The following FRMD3 variants were observed in gnomAD, a reference collection of about 807,000 sequenced individuals.
The protein encoded by FRMD3 is FERM domain containing 3.
In FRMD3, 33 loss-of-function variants were observed where a neutral mutation model predicts 70.2. The ratio of observed to expected loss-of-function variants is 0.47; its 90% CI spans 0.36 to 0.63. FRMD3 has a LOEUF of 0.63. Ranked by LOEUF, FRMD3 falls within the 20% of genes least tolerant of loss-of-function variation. FRMD3 has a pLI of 0.00. For synonymous variants in FRMD3, 279 were observed against 255.9 expected, an observed-to-expected ratio of 1.09 and a Z score of -0.86; for missense variants, 632 against 711.4, an observed-to-expected ratio of 0.89 and a Z score of 1.27.
At chr9:83,374,386 C>CA (rs1280995442) in intron 2 of FRMD3, among the ~76,000 whole-genome samples, 1 of 131,986 alleles carries the variant, frequency 7.6e-6, no homozygotes, top group Non-Finnish European at 1.7e-5. Context: ...GTCACACACA[C>CA]AAAAAAACAT....
At chr9:83,399,921 A>G (rs1426911931) in intron 1 of FRMD3, among the ~76,000 whole-genome samples, 1 of 152,200 alleles carries the variant, frequency 6.6e-6, no homozygotes, top group Non-Finnish European at 1.5e-5. Flanking sequence ...ACAGGGAACA[A>G]GGCAAAGATG....
chr9:83,383,761 T>C (rs1825428747), intron 2 of FRMD3, among the ~76,000 whole-genome samples: 1 of 152,244 alleles, frequency 6.6e-6, no homozygotes, highest in Admixed American at 6.5e-5. Context: ...AGCCCCTGCC[T>C]TCTGGCTCAA....
the FRMD3 span, among the ~76,000 whole-genome samples, chr9:83,572,411 T>C: frequency 6.6e-6 from 1 of 152,140 alleles, no homozygotes; most frequent in Non-Finnish European, 1.5e-5. Context: ...AAGTAGAGTA[T>C]ATCAGAACAA....
intron 3 of FRMD3, among the ~76,000 whole-genome samples, chr9:83,355,746 G>A (rs1035084303): frequency 1.3e-5 from 2 of 152,182 alleles, no homozygotes; most frequent in African/African-American, 2.4e-5. Flanking sequence ...GAAATAGGAG[G>A]GAGGGAATGG....
chr9:83,309,622 T>C lies in FRMD3; in HGVS notation c.840A>G (p.Lys280=). The C allele has an allele frequency of 6.4e-7, 1 of 1,572,828 alleles. No homozygotes were observed. The highest frequency in any genetic ancestry group is 8.6e-7 in the Non-Finnish European group (1 of 1,158,352). The change falls in exon 10 of 14, where the codon AAA becomes AAG. Residue 280 remains lysine (K), a splice_region_variant and synonymous_variant. Coordinates refer to ENST00000304195, the MANE Select transcript of FRMD3 (RefSeq NM_174938.6). ...TFYVIGTQKE[K]KAMLAFHTST... ...AAGTATGGAATGCCAACATGGCTTT[T>C]TTCTAATTAAAAAATAACAAAACAA... is the stretch of plus-strand genomic sequence containing the variant.
chr9:83,484,318 T>A (rs561363497), intron 1 of FRMD3, among the ~76,000 whole-genome samples: 117 of 152,360 alleles, frequency 7.7e-4, no homozygotes, highest in Non-Finnish European at 1.3e-3. Context: ...TTCTAAGTTA[T>A]CAAATTCCCC....
intron 12 of FRMD3, among the ~76,000 whole-genome samples, chr9:83,297,078 T>TA (rs960948836): frequency 6.6e-6 from 1 of 152,174 alleles, no homozygotes; most frequent in Non-Finnish European, 1.5e-5. Flanking sequence ...GAGAAGCATT[T>TA]AAAAAAATTC....
the FRMD3 span, among the ~76,000 whole-genome samples, chr9:83,548,996 T>C: frequency 2.0e-5 from 3 of 151,968 alleles, no homozygotes; most frequent in East Asian, 5.8e-4. Flanking sequence ...CATGTGAAAG[T>C]TACATAGATA....
rs1445633332 is a variant in FRMD3, at chr9:83,290,738, A to G, written c.1071-11T>C. 1.3e-6 allele frequency: 2 copies of G among 1,598,870 alleles called. No individual in the cohort carries two copies. The highest frequency in any genetic ancestry group is 1.7e-6 in the Non-Finnish European group (2 of 1,171,558). On this transcript the variant is annotated splice_polypyrimidine_tract_variant and intron_variant, in intron 12 of 13. Transcript: ENST00000304195. The stretch of plus-strand genomic sequence containing the variant: ...TGAGTAATGTTGGCTCTGAAAACAG[A>G]CACAAGCCAGACAGAGTTGGTTTCC...
intron 1 of FRMD3, among the ~76,000 whole-genome samples, chr9:83,392,871 A>T (rs1825705438): frequency 6.6e-6 from 1 of 152,162 alleles, no homozygotes; most frequent in South Asian, 2.1e-4. Flanking sequence ...ACTTTTGTTG[A>T]TTCTCCCACA....
chr9:83,357,952 T>C (rs1049774061), intron 3 of FRMD3, among the ~76,000 whole-genome samples: 3 of 152,188 alleles, frequency 2.0e-5, no homozygotes, highest in Non-Finnish European at 2.9e-5. Context: ...TTTATGTTTG[T>C]TTTTGTTGCA....
intron 3 of FRMD3, among the ~76,000 whole-genome samples, chr9:83,363,380 CTA>C (rs1289764330): frequency 6.6e-6 from 1 of 152,144 alleles, no homozygotes; most frequent in East Asian, 1.9e-4. Context: ...TTTCTAATGA[CTA>C]TGTATACACA....
intron 1 of FRMD3, among the ~76,000 whole-genome samples, chr9:83,479,765 GGGAGGGAGGGAGGGAGGGAGGGAA>G (rs1564097075): frequency 0.013 from 1,264 of 94,022 alleles, 59 homozygotes; most frequent in African/African-American, 0.055. Flanking sequence ...GAAGAAGGGA[GGGAGGGAGGGAGGGAGGGAGGGAA>G]GGAAGGAAGG....
intron 13 of FRMD3, among the ~76,000 whole-genome samples, chr9:83,265,873 A>T (rs1833232740): frequency 6.6e-6 from 1 of 152,204 alleles, no homozygotes; most frequent in Non-Finnish European, 1.5e-5. Context: ...TTATACTTTG[A>T]AGCATCTATT....
intron 12 of FRMD3, among the ~76,000 whole-genome samples, chr9:83,294,262 T>C (rs1834567377): frequency 6.6e-6 from 1 of 152,194 alleles, no homozygotes; most frequent in African/African-American, 2.4e-5. Flanking sequence ...TGCCAGATGC[T>C]CAATCTGCTG....
At chr9:83,243,336 G>T, downstream of FRMD3, 1 of 1,010,116 alleles carries the variant, frequency 9.9e-7, no homozygotes. Context: ...GGCCCAGAGG[G>T]ACTCAAGCCC....
chr9:83,338,704 G>A (rs539125849), intron 5 of FRMD3, among the ~76,000 whole-genome samples: 1 of 152,242 alleles, frequency 6.6e-6, no homozygotes, highest in South Asian at 2.1e-4. Flanking sequence ...CATTTTATAA[G>A]GATGGATACA....
chr9:83,409,382 A>G (rs947187989), intron 1 of FRMD3, among the ~76,000 whole-genome samples: 2 of 151,574 alleles, frequency 1.3e-5, no homozygotes, highest in Admixed American at 1.3e-4. Flanking sequence ...TAAGCTCCTA[A>G]TTGCTCTCCA....
intron 4 of FRMD3, among the ~76,000 whole-genome samples, chr9:83,347,245 ATTCAACATAATCCACTGAGTC>A (rs1361761762): frequency 2.6e-5 from 4 of 152,220 alleles, no homozygotes; most frequent in African/African-American, 9.6e-5. Context: ...ATTACTGTGG[ATTCAACATAATCCACTGAGTC>A]TTGTAAATGG....
Sources: gnomAD v4.1 joint callset for allele counts (sites outside exome capture counted in the v4.1 genomes callset) on GRCh38, gnomAD v4.1.1 for gene constraint, MANE v1.5 for transcripts, NCBI Gene and HGNC (gene_info 2026-07-23, HGNC 2026-07-21) for gene names.